The following HDAC9 variants were observed in gnomAD, a reference collection of about 807,000 sequenced individuals.
The protein encoded by HDAC9 is MEF-2 interacting transcription repressor (MITR) protein.
HDAC9 carries 41 observed loss-of-function variants against 139.4 expected under a neutral mutation model. That is an observed-to-expected ratio of 0.29 (90% CI 0.23 to 0.38). The LOEUF is 0.38. HDAC9 is among the 10% of genes least tolerant of loss of function. HDAC9 has a pLI of 1.00. For missense variants in HDAC9, 1,147 were observed against 1,297.0 expected, an observed-to-expected ratio of 0.88 and a Z score of 1.78; for synonymous variants, 517 against 476.2, an observed-to-expected ratio of 1.09 and a Z score of -1.12.
chr7:18,206,992 A>C (rs1014212859), intron 2 of HDAC9, among the ~76,000 whole-genome samples: 3 of 148,436 alleles, frequency 2.0e-5, no homozygotes, highest in African/African-American at 7.5e-5. Flanking sequence ...CTGGAGTGCA[A>C]TGGTGCCATA....
intron 8 of HDAC9, among the ~76,000 whole-genome samples, chr7:18,639,458 TTTTG>T (rs985949954): frequency 2.0e-5 from 3 of 152,014 alleles, no homozygotes; most frequent in Admixed American, 2.0e-4. Flanking sequence ...ATCTTTCTTT[TTTTG>T]TTTTTTGTTT....
intron 6 of HDAC9, among the ~76,000 whole-genome samples, chr7:18,603,866 G>A (rs1379676013): frequency 6.6e-6 from 1 of 152,068 alleles, no homozygotes; most frequent in Non-Finnish European, 1.5e-5. Flanking sequence ...GTCCAAGAAA[G>A]TGCTTTATTT....
intron 25 of HDAC9, among the ~76,000 whole-genome samples, chr7:18,979,992 C>CAATA (rs1784795141): frequency 6.6e-6 from 1 of 152,138 alleles, no homozygotes; most frequent in South Asian, 2.1e-4. Flanking sequence ...GCAAATTTTT[C>CAATA]AATATAAATT....
At chr7:18,489,481 A>G (rs192090517) in intron 1 of HDAC9, among the ~76,000 whole-genome samples, 3 of 152,164 alleles carry the variant, frequency 2.0e-5, no homozygotes, top group Non-Finnish European at 4.4e-5. Context: ...AACAATCCTG[A>G]GAAATTTATT....
At chr7:18,155,401 T>C (rs1787116038) in intron 1 of HDAC9, among the ~76,000 whole-genome samples, 1 of 152,184 alleles carries the variant, frequency 6.6e-6, no homozygotes, top group Non-Finnish European at 1.5e-5. Context: ...AAGGTCTGTT[T>C]TTATTAGTGC....
intron 1 of HDAC9, among the ~76,000 whole-genome samples, chr7:18,120,791 A>C (rs1038119752): frequency 6.6e-6 from 1 of 152,158 alleles, no homozygotes; most frequent in East Asian, 1.9e-4. Flanking sequence ...GAGAGCTTTT[A>C]GTTTTTGCTT....
At chr7:18,708,517 C>T (rs1784106987) in intron 12 of HDAC9, among the ~76,000 whole-genome samples, 1 of 152,082 alleles carries the variant, frequency 6.6e-6, no homozygotes, top group South Asian at 2.1e-4. Flanking sequence ...TGCATAAGGC[C>T]CTGTGGAAAC....
chr7:18,316,459 A>G (rs918350220), intron 1 of HDAC9, among the ~76,000 whole-genome samples: 1 of 152,054 alleles, frequency 6.6e-6, no homozygotes, highest in Non-Finnish European at 1.5e-5. Context: ...GCATTGTGAC[A>G]AAAAATAAAT....
intron 1 of HDAC9, among the ~76,000 whole-genome samples, chr7:18,129,517 T>C (rs1387649873): frequency 6.6e-6 from 1 of 152,168 alleles, no homozygotes; most frequent in Admixed American, 6.6e-5. Context: ...CTAATTTTTA[T>C]TTTACTTATG....
At chr7:18,219,611 CTCAGT>C (rs1394614431) in intron 2 of HDAC9, among the ~76,000 whole-genome samples, 5 of 152,186 alleles carry the variant, frequency 3.3e-5, no homozygotes, top group African/African-American at 1.2e-4. Context: ...TAAAAACACT[CTCAGT>C]GTTTCCATGT....
chr7:18,169,609 C>G (rs1289786833), intron 2 of HDAC9, among the ~76,000 whole-genome samples: 2 of 152,146 alleles, frequency 1.3e-5, no homozygotes, highest in Non-Finnish European at 2.9e-5. Flanking sequence ...ATCCCTCCCC[C>G]TGTCCCCCAC....
At chr7:18,764,062 CTT>C (rs1441375627) in intron 15 of HDAC9, among the ~76,000 whole-genome samples, 1 of 152,000 alleles carries the variant, frequency 6.6e-6, no homozygotes, top group Non-Finnish European at 1.5e-5. Context: ...AAATTTGACT[CTT>C]TTGAACAAAC....
At chr7:18,855,291 A>G (rs1797595506) in intron 21 of HDAC9, among the ~76,000 whole-genome samples, 1 of 152,156 alleles carries the variant, frequency 6.6e-6, no homozygotes, top group Admixed American at 6.6e-5. Flanking sequence ...GCGTAGTGTT[A>G]TTACAGAGAA....
chr7:18,441,808 G>A (rs867124229), intron 1 of HDAC9, among the ~76,000 whole-genome samples: 2 of 152,032 alleles, frequency 1.3e-5, no homozygotes, highest in African/African-American at 4.8e-5. Context: ...TCACTCTGTC[G>A]CTCAGGCTGG....
chr7:18,856,991 C>A (rs1156991301), intron 21 of HDAC9, among the ~76,000 whole-genome samples: 1 of 152,112 alleles, frequency 6.6e-6, no homozygotes, highest in East Asian at 1.9e-4. Flanking sequence ...ATATATTCTT[C>A]TCCTACCTCT....
intron 25 of HDAC9, 143 bp downstream of exon 25, chr7:18,976,096 C>A: frequency 1.3e-6 from 1 of 756,198 alleles, no homozygotes; most frequent in Non-Finnish European, 2.1e-6. Context: ...GATGCCACAG[C>A]ACATGCTTTA....
At chr7:18,216,509 G>C (rs900458703) in intron 2 of HDAC9, among the ~76,000 whole-genome samples, 9 of 152,098 alleles carry the variant, frequency 5.9e-5, no homozygotes, top group African/African-American at 2.2e-4. Flanking sequence ...GTAAGTTAAA[G>C]ATAGGGAATC....
intron 17 of HDAC9, among the ~76,000 whole-genome samples, chr7:18,814,682 A>G (rs1191068418): frequency 6.6e-6 from 1 of 152,182 alleles, no homozygotes; most frequent in Non-Finnish European, 1.5e-5. Flanking sequence ...ATGCCACATA[A>G]TTTAATTTCT....
At chr7:18,820,292 T>C (rs989406821) in intron 17 of HDAC9, among the ~76,000 whole-genome samples, 1 of 152,192 alleles carries the variant, frequency 6.6e-6, no homozygotes, top group Admixed American at 6.5e-5. Flanking sequence ...GAGAGACATG[T>C]TCTTGAGCCA....
Sources: allele counts gnomAD v4.1 joint callset (sites outside exome capture counted in the v4.1 genomes callset), GRCh38; gene constraint gnomAD v4.1.1; transcripts MANE v1.5; gene names NCBI Gene and HGNC (gene_info 2026-07-23, HGNC 2026-07-21).